The following SNX7 variants were observed in gnomAD, a reference collection of about 807,000 sequenced individuals.
SNX7 encodes sorting nexin-7.
Under a neutral mutation model 48.4 loss-of-function variants are expected in SNX7, and 35 were observed. The observed-to-expected ratio is 0.72, with a 90% CI of 0.55 to 0.96. The LOEUF (loss-of-function observed/expected upper bound fraction) is 0.96. Among genes scored for constraint, SNX7 ranks in the 40% least tolerant of loss-of-function variants. The pLI, the probability that SNX7 is intolerant of heterozygous loss-of-function variation, is 0.00. For missense variants in SNX7, 553 were observed against 548.9 expected, an observed-to-expected ratio of 1.01 and a Z score of -0.07; for synonymous variants, 190 against 190.2, an observed-to-expected ratio of 1.00 and a Z score of 0.01.
chr1:98,748,405 C>G (rs1369283821), intron 8 of SNX7, among the ~76,000 whole-genome samples: 6 of 152,156 alleles, frequency 3.9e-5, no homozygotes, highest in Admixed American at 2.6e-4. Context: ...ATGAAATAGA[C>G]AGTTATATCA....
At chr1:98,715,312 G>T (rs1282685721) in intron 7 of SNX7, among the ~76,000 whole-genome samples, 2 of 151,938 alleles carry the variant, frequency 1.3e-5, no homozygotes, top group East Asian at 3.9e-4. Context: ...AGTCTTTGAC[G>T]GGAATGTCAC....
At chr1:98,751,424 C>T (rs1418176516) in intron 8 of SNX7, among the ~76,000 whole-genome samples, 1 of 151,950 alleles carries the variant, frequency 6.6e-6, no homozygotes, top group Non-Finnish European at 1.5e-5. Flanking sequence ...GGTTTTCAGC[C>T]TGTGTGTAGA....
intron 7 of SNX7, among the ~76,000 whole-genome samples, chr1:98,722,717 A>C (rs1652951155): frequency 6.6e-6 from 1 of 152,032 alleles, no homozygotes; most frequent in South Asian, 2.1e-4. Context: ...AGTAAGAATA[A>C]CTATCATCCT....
intron 8 of SNX7, among the ~76,000 whole-genome samples, chr1:98,749,531 A>G (rs1371949778): frequency 6.6e-6 from 1 of 152,152 alleles, no homozygotes; most frequent in Non-Finnish European, 1.5e-5. Context: ...AAGTTGGCAG[A>G]TGATTCTCAG....
chr1:98,738,198 T>A, intron 7 of SNX7, 39 bp from the exon 8 acceptor site: 1 of 1,592,776 alleles, frequency 6.3e-7, no homozygotes, highest in East Asian at 2.3e-5. Context: ...ATGGAAAGAA[T>A]TCATAGATCA....
intron 7 of SNX7, among the ~76,000 whole-genome samples, chr1:98,722,663 AATAG>A (rs1652946956): frequency 6.6e-6 from 1 of 152,244 alleles, no homozygotes; most frequent in Non-Finnish European, 1.5e-5. Flanking sequence ...AAAAGGAAAT[AATAG>A]ATAAGCCATT....
At position 98,661,857 on chromosome 1, in the gene SNX7, G is replaced by A. The variant is rs1396605204; in HGVS notation, c.126G>A (p.Gln42=). 27 of 1,246,854 alleles carry A rather than the reference G, an allele frequency of 2.2e-5. No individual in the cohort carries two copies. The highest frequency in any genetic ancestry group is 2.7e-5 in the Non-Finnish European group (27 of 987,466). The allele number at this position is 1,246,854 out of a possible 1,614,324, so 77.2% of individuals were successfully genotyped here. A position where few individuals can be genotyped will look rare whatever the true frequency, so the allele number is the denominator to read the frequency against. The change falls in exon 1 of 9, where the codon CAG becomes CAA. Residue 42 remains glutamine (Q), a synonymous_variant. Transcript: ENST00000306121. ...PGSSGSSALL[Q]AEVLDLDEDE... ...GCAGTGGCTCTTCCGCCCTGCTGCA[G>A]GCGGAGGTGCTGGATCTGGACGAGG... is the stretch of plus-strand genomic sequence containing the variant.
intron 1 of SNX7, among the ~76,000 whole-genome samples, chr1:98,681,735 G>A (rs1384362543): frequency 1.3e-5 from 2 of 152,152 alleles, no homozygotes; most frequent in Non-Finnish European, 2.9e-5. Context: ...TACTAGAGGG[G>A]AAGAACATTT....
At chr1:98,691,442 T>C in intron 3 of SNX7, 93 bp from the exon 4 acceptor site, 1 of 1,055,626 alleles carries the variant, frequency 9.5e-7, no homozygotes, top group South Asian at 2.3e-5. Flanking sequence ...TGATCAGATG[T>C]TCAACTAGTC....
chr1:98,705,880 G>A (rs143827704), intron 7 of SNX7, among the ~76,000 whole-genome samples: 150 of 152,250 alleles, frequency 9.9e-4, no homozygotes, highest in African/African-American at 3.4e-3. Context: ...TGAGAAAGAC[G>A]TAGGCAGAGG....
intron 8 of SNX7, among the ~76,000 whole-genome samples, chr1:98,755,624 T>C (rs1654803668): frequency 6.6e-6 from 1 of 151,920 alleles, no homozygotes; most frequent in Non-Finnish European, 1.5e-5. Flanking sequence ...AAAACATATA[T>C]ATGTATTTTT....
At chr1:98,701,433 C>T (rs1484549744) in intron 6 of SNX7, among the ~76,000 whole-genome samples, 1 of 151,730 alleles carries the variant, frequency 6.6e-6, no homozygotes, top group Non-Finnish European at 1.5e-5. Flanking sequence ...TGACATCCCA[C>T]CCATAACTAG....
At chr1:98,732,499 G>A (rs1036330869) in intron 7 of SNX7, among the ~76,000 whole-genome samples, 7 of 152,140 alleles carry the variant, frequency 4.6e-5, no homozygotes, top group Admixed American at 3.3e-4. Context: ...GGTGAACATA[G>A]AGTAGCGACC....
chr1:98,677,048 A>G (rs180911165), intron 1 of SNX7, among the ~76,000 whole-genome samples: 5 of 152,338 alleles, frequency 3.3e-5, no homozygotes, highest in Admixed American at 3.3e-4. Context: ...TTTTGATTCC[A>G]ACATCTGTAT....
At chr1:98,746,730 A>C (rs1354823398) in intron 8 of SNX7, among the ~76,000 whole-genome samples, 1 of 152,100 alleles carries the variant, frequency 6.6e-6, no homozygotes, top group East Asian at 1.9e-4. Context: ...TTATGTTTGC[A>C]TAATTTGATG....
Position 98,694,295 on chromosome 1 carries a change from G to A in SNX7, c.640-1223G>A, listed in dbSNP as rs528893342. On this transcript the variant is annotated intron_variant, in intron 4 of 8. Coordinates refer to ENST00000306121, the MANE Select transcript of SNX7 (RefSeq NM_015976.5). ...TGAGGCAGGAGAATGGCATGAACCC[G>A]GGAGGCGGAGCTTGCAGTGAGCCAG... 2.6e-4 allele frequency among the ~76,000 whole-genome samples: 39 copies of A among 151,738 alleles called. 1 individual carries two copies. The highest frequency in any genetic ancestry group is 4.6e-4 in the Admixed American group (7 of 15,244).
chr1:98,741,699 A>G (rs902769355), intron 8 of SNX7, among the ~76,000 whole-genome samples: 15 of 152,122 alleles, frequency 9.9e-5, no homozygotes, highest in African/African-American at 3.4e-4. Context: ...ATGTGAAGGG[A>G]TTCTAAAACA....
chr1:98,755,318 G>A (rs181444121), intron 8 of SNX7, among the ~76,000 whole-genome samples: 1 of 152,088 alleles, frequency 6.6e-6, no homozygotes, highest in Admixed American at 6.5e-5. Flanking sequence ...TTGATTGATA[G>A]TGTGGTTCAG....
intron 7 of SNX7, among the ~76,000 whole-genome samples, chr1:98,720,610 C>T (rs1652815210): frequency 6.6e-6 from 1 of 152,060 alleles, no homozygotes; most frequent in African/African-American, 2.4e-5. Context: ...CCACTGGCCA[C>T]ATGTGCTGTT....
Sources: allele counts gnomAD v4.1 joint callset (sites outside exome capture counted in the v4.1 genomes callset), GRCh38; gene constraint gnomAD v4.1.1; transcripts MANE v1.5; gene names NCBI Gene and HGNC (gene_info 2026-07-23, HGNC 2026-07-21).